Variants in FBXW2 observed in about 807,000 individuals in gnomAD.
FBXW2 encodes the protein F-box and WD repeat domain containing 2.
In FBXW2, 12 loss-of-function variants were observed where a neutral mutation model predicts 46.0. The ratio of observed to expected loss-of-function variants is 0.26; its 90% CI spans 0.17 to 0.42. FBXW2 has a LOEUF of 0.42. Ranked by LOEUF, FBXW2 falls within the 10% of genes least tolerant of loss-of-function variation. The pLI is 1.00. For missense variants in FBXW2, 360 were observed against 537.0 expected, an observed-to-expected ratio of 0.67 and a Z score of 3.26; for synonymous variants, 203 against 209.6, an observed-to-expected ratio of 0.97 and a Z score of 0.27.
At chr9:120,773,216 T>C (rs1265888055) in intron 5 of FBXW2, among the ~76,000 whole-genome samples, 1 of 151,382 alleles carries the variant, frequency 6.6e-6, no homozygotes, top group African/African-American at 2.4e-5. Context: ...GTCTAAACAT[T>C]GGCAGCATTT....
At position 120,757,267 on chromosome 9, in the gene FBXW2, TGACTC is replaced by T. The variant is rs1225670634; in HGVS notation, c.*7287_*7291del. On this transcript the variant is annotated 3_prime_UTR_variant, in exon 8 of 8. Transcript: ENST00000608872. ...AAACATGTTTAGAAATGTTCTTTCT[TGACTC>T]GGGCAGTGGTTAGACAAGTGTTCAC... The T allele has an allele frequency of 6.6e-6, 1 of 152,234 alleles. No homozygotes were observed. The highest frequency in any genetic ancestry group is 1.5e-5 in the Non-Finnish European group (1 of 68,036). 9.4% of individuals were successfully genotyped at this position (152,234 alleles called of 1,614,324 possible). A position where few individuals can be genotyped will look rare whatever the true frequency, so the allele number is the denominator to read the frequency against.
At chr9:120,790,516 C>T (rs983021843) in intron 2 of FBXW2, among the ~76,000 whole-genome samples, 2 of 152,078 alleles carry the variant, frequency 1.3e-5, no homozygotes, top group African/African-American at 4.8e-5. Flanking sequence ...AACCACACAC[C>T]TGCTCCTGAA....
rs958244672 is a variant in FBXW2, at chr9:120,781,793, C to T, written c.491-3248G>A. ...ATCCCAACACTTTGGGAGGCCGAGGCGGGAGGATCACCTGAGGTCAGGAGT... is the reference window on the plus strand; with the variant it reads ...ATCCCAACACTTTGGGAGGCCGAGGTGGGAGGATCACCTGAGGTCAGGAGT... On this transcript the variant is annotated intron_variant, in intron 3 of 7. Coordinates refer to ENST00000608872, the MANE Select transcript of FBXW2 (RefSeq NM_012164.4). Among the ~76,000 whole-genome samples, 6 of 151,694 alleles carry T rather than the reference C, an allele frequency of 4.0e-5. No homozygotes were observed. The East Asian group carries it at 5.8e-4, about 15-fold the overall frequency.
chr9:120,767,846 C>T (rs1361129104), intron 7 of FBXW2, among the ~76,000 whole-genome samples: 1 of 152,184 alleles, frequency 6.6e-6, no homozygotes, highest in Non-Finnish European at 1.5e-5. Context: ...ATTTTATGCC[C>T]TAAATTTTTC....
chr9:120,774,750 G>A (rs1346706585), intron 5 of FBXW2, among the ~76,000 whole-genome samples: 3 of 152,048 alleles, frequency 2.0e-5, no homozygotes, highest in Admixed American at 6.6e-5. Flanking sequence ...AACATAGATC[G>A]CACCAGACAC....
chr9:120,778,710 T>C (rs1267114762), intron 3 of FBXW2, among the ~76,000 whole-genome samples, 165 bp from the exon 4 acceptor site: 1 of 152,208 alleles, frequency 6.6e-6, no homozygotes, highest in Non-Finnish European at 1.5e-5. Flanking sequence ...ACAACTTGCT[T>C]AGAGTCACCA....
chr9:120,776,971 C>G (rs2044510194), intron 4 of FBXW2, among the ~76,000 whole-genome samples: 1 of 151,906 alleles, frequency 6.6e-6, no homozygotes, highest in African/African-American at 2.4e-5. Context: ...CTAACTCTGC[C>G]CAGGGGTATC....
At chr9:120,776,270 T>C (rs754451592) in intron 4 of FBXW2, 44 bp from the exon 5 acceptor site, 4 of 1,599,960 alleles carry the variant, frequency 2.5e-6, no homozygotes. Context: ...TCTCTGTCAG[T>C]GGGTCTTTTA....
chr9:120,786,661 T>C (rs1373748114), intron 3 of FBXW2, among the ~76,000 whole-genome samples: 1 of 152,162 alleles, frequency 6.6e-6, no homozygotes, highest in Non-Finnish European at 1.5e-5. Flanking sequence ...TTATCTTGGA[T>C]GAAAAAGAAC....
chr9:120,785,260 T>C (rs2044696737), intron 3 of FBXW2, among the ~76,000 whole-genome samples: 1 of 152,164 alleles, frequency 6.6e-6, no homozygotes, highest in African/African-American at 2.4e-5. Context: ...TCTGCCTGCC[T>C]TGGCCTCCCA....
Position 120,764,669 on chromosome 9 carries a change from C to T in FBXW2, c.1255G>A (p.Glu419Lys), listed in dbSNP as rs374464211. The T allele has an allele frequency of 7.4e-6, 12 of 1,614,098 alleles. No individual in the cohort carries two copies. Among genetic ancestry groups the T allele is most frequent in the Non-Finnish European group, 9.3e-6 (11 of 1,180,052 alleles). Reference sequence around the variant, plus strand: ...TCCAGTCCATTCAGCCAGGATGCTTCGCCTGCCAGGAAGCTTGAGCCTCTC... The same window carrying T: ...TCCAGTCCATTCAGCCAGGATGCTTTGCCTGCCAGGAAGCTTGAGCCTCTC... The part of the protein sequence containing the change: ...SKRGSSFLAG[E>K]ASWLNGLDGH... The change falls in exon 8 of 8, where the codon GAA becomes AAA. Residue 419 changes from glutamate (E) to lysine (K), a missense_variant. Coordinates refer to ENST00000608872, the MANE Select transcript of FBXW2 (RefSeq NM_012164.4).
intron 3 of FBXW2, among the ~76,000 whole-genome samples, chr9:120,785,534 C>T (rs2044701595): frequency 6.6e-6 from 1 of 152,200 alleles, no homozygotes; most frequent in South Asian, 2.1e-4. Context: ...GAGTGTCTAG[C>T]ATTTCAGAGA....
Position 120,764,679 on chromosome 9 carries a change from G to A in FBXW2, c.1245C>T (p.Phe415=). 6.2e-7 allele frequency: 1 copy of A among 1,614,208 alleles called. No individual in the cohort carries two copies. The highest frequency in any genetic ancestry group is 8.5e-7 in the Non-Finnish European group (1 of 1,180,046). ...EYRKSKRGSS[F]LAGEASWLNG... ...TCAGCCAGGATGCTTCGCCTGCCAG[G>A]AAGCTTGAGCCTCTCTTTGATTTCC... The change falls in exon 8 of 8, where the codon TTC becomes TTT. Residue 415 remains phenylalanine, a synonymous_variant. Transcript: ENST00000608872.
rs775297754 is a variant in FBXW2, at chr9:120,764,736, G to A, written c.1188C>T (p.Ser396=). The change falls in exon 8 of 8, where the codon AGC becomes AGT. Residue 396 remains serine (S), a synonymous_variant. Coordinates refer to ENST00000608872, the MANE Select transcript of FBXW2 (RefSeq NM_012164.4). ...YLYIMDLRTE[S]LISRWPLPEY... is the part of the protein sequence containing the mutation. ...CTGGCAGAGGCCAGCGACTAATCAG[G>A]CTCTCTGTCCGCAAGTCCATGATGT... is the stretch of plus-strand genomic sequence containing the variant. 6 of 1,614,190 alleles carry A rather than the reference G, an allele frequency of 3.7e-6. No individual in the cohort carries two copies. Among genetic ancestry groups the A allele is most frequent in the African/African-American group, 1.3e-5 (1 of 75,032 alleles).
chr9:120,772,396 G>A (rs2044397224), intron 6 of FBXW2, among the ~76,000 whole-genome samples: 1 of 151,970 alleles, frequency 6.6e-6, no homozygotes, highest in Non-Finnish European at 1.5e-5. Context: ...GGTAGGCTGA[G>A]GCAGGAGAAT....
chr9:120,769,766 T>C (rs1312015089), intron 7 of FBXW2, among the ~76,000 whole-genome samples: 2 of 152,196 alleles, frequency 1.3e-5, no homozygotes, highest in Non-Finnish European at 2.9e-5. Flanking sequence ...TGGACGAATG[T>C]TGGAATACAG....
At chr9:120,785,906 C>A (rs923676045) in intron 3 of FBXW2, among the ~76,000 whole-genome samples, 6 of 151,008 alleles carry the variant, frequency 4.0e-5, no homozygotes, top group African/African-American at 1.5e-4. Context: ...ACCTGTAATC[C>A]CAGCTACTCG....
chr9:120,776,281 TA>T, intron 4 of FBXW2, 55 bp from the exon 5 acceptor site: 1 of 1,573,246 alleles, frequency 6.4e-7, no homozygotes, highest in South Asian at 1.2e-5. Context: ...GGGTCTTTTA[TA>T]ATAGAGTTCA....
rs1413133371 is a variant in FBXW2, at chr9:120,793,409, T to G, written c.-185A>C. 5.0e-6 allele frequency: 2 copies of G among 398,874 alleles called. No individual in the cohort carries two copies. The highest frequency in any genetic ancestry group is 8.8e-6 in the Non-Finnish European group (2 of 226,546). The allele number at this position is 398,874 out of a possible 1,614,324, so 24.7% of individuals were successfully genotyped here. ...AGCCTCACAGGGGAGCGGCTTCCGGTGCTGCCTGCGTCATCTCCGCGCGTC... is the reference window on the plus strand; with the variant it reads ...AGCCTCACAGGGGAGCGGCTTCCGGGGCTGCCTGCGTCATCTCCGCGCGTC... On this transcript the variant is annotated 5_prime_UTR_variant, in exon 1 of 8. Coordinates refer to ENST00000608872, the MANE Select transcript of FBXW2 (RefSeq NM_012164.4).
Sources: allele counts gnomAD v4.1 joint callset (sites outside exome capture counted in the v4.1 genomes callset), GRCh38; gene constraint gnomAD v4.1.1; transcripts MANE v1.5; gene names NCBI Gene and HGNC (gene_info 2026-07-23, HGNC 2026-07-21).